Variants in CCT4 observed in about 807,000 individuals in gnomAD.
CCT4 encodes the protein chaperonin containing TCP1 subunit 4.
A neutral mutation model predicts 62.5 loss-of-function variants in CCT4; 17 were observed. That is an observed-to-expected ratio of 0.27 (90% CI 0.19 to 0.41). The LOEUF (loss-of-function observed/expected upper bound fraction) is 0.41, where lower values mean the gene tolerates loss of function less well. Among genes scored for constraint, CCT4 ranks in the 10% least tolerant of loss-of-function variants. The pLI is 1.00. For synonymous variants in CCT4, 250 were observed against 229.9 expected (o/e 1.09, Z -0.79); for missense variants, 592 against 659.2 (o/e 0.90, Z 1.12).
chr2:61,876,742 A>G (rs752945853), intron 7 of CCT4, among the ~76,000 whole-genome samples, 178 bp downstream of exon 7: 2 of 152,174 alleles, frequency 1.3e-5, no homozygotes, highest in South Asian at 4.1e-4. Flanking sequence ...CAATATCCCA[A>G]CTGAGGATAC....
chr2:61,883,701 G>A (rs1344902662), intron 2 of CCT4, among the ~76,000 whole-genome samples, 153 bp from the exon 3 acceptor site: 2 of 150,062 alleles, frequency 1.3e-5, no homozygotes, highest in Admixed American at 6.7e-5. Flanking sequence ...TTAAGAATAC[G>A]CAATAACAGT....
At position 61,888,466 on chromosome 2, in the gene CCT4, C is replaced by T; in HGVS notation, c.42G>A (p.Gly14=). 2 of 1,612,062 alleles carry T rather than the reference C, an allele frequency of 1.2e-6. No homozygotes were observed. Among genetic ancestry groups the T allele is most frequent in the Non-Finnish European group, 1.7e-6 (2 of 1,179,252 alleles). Residue 14 remains glycine (G), a synonymous_variant, in exon 1 of 14, where the codon GGG becomes GGA. Transcript: ENST00000394440. ...CGCCTTTCCCGCGGCCGCCGGCAGC[C>T]CCGGCAGTCGCCCCGCTCCGGGGTG... The part of the protein sequence containing the change: ...NVAPRSGATA[G]AAGGRGKGAY...
At chr2:61,875,168 T>C (rs1668971884) in intron 8 of CCT4, among the ~76,000 whole-genome samples, 1 of 152,028 alleles carries the variant, frequency 6.6e-6, no homozygotes. Flanking sequence ...TTACGCACTT[T>C]TTATCAAAAC....
At chr2:61,888,261 T>C (rs1572930696) in intron 1 of CCT4, 120 bp downstream of exon 1, 3 of 1,237,360 alleles carry the variant, frequency 2.4e-6, no homozygotes, top group South Asian at 1.5e-5. Context: ...GCTGCTTCTA[T>C]AGGGAGGACA....
intron 7 of CCT4, 90 bp from the exon 8 acceptor site, chr2:61,876,324 A>T (rs539901918): frequency 5.6e-5 from 51 of 917,678 alleles, no homozygotes; most frequent in East Asian, 3.8e-4. Flanking sequence ...GTGTTGTATA[A>T]ATTCAACCAA....
In CCT4 at chr2:61,883,552, G is replaced by C; in HGVS notation, c.181-4C>G. 1 of 1,516,732 alleles carries C rather than the reference G, an allele frequency of 6.6e-7. No individual in the cohort carries two copies. Among genetic ancestry groups the C allele is most frequent in the Non-Finnish European group, 9.0e-7 (1 of 1,112,744 alleles). 94.0% of individuals were successfully genotyped at this position (1,516,732 alleles called of 1,614,324 possible). A position where few individuals can be genotyped will look rare whatever the true frequency, so the allele number is the denominator to read the frequency against. On this transcript the variant is annotated splice_region_variant and splice_polypyrimidine_tract_variant and intron_variant, in intron 2 of 13. Transcript: ENST00000394440. ...CATCACCTTTTCCATCTTGAATCTA[G>C]AAAAAAAATTTTAAAGTTATATTTC...
intron 2 of CCT4, among the ~76,000 whole-genome samples, chr2:61,883,897 C>T (rs567920288): frequency 6.6e-6 from 1 of 152,196 alleles, no homozygotes; most frequent in South Asian, 2.1e-4. Context: ...ACCATGGATG[C>T]CCCTAAAGCA....
chr2:61,888,651 G>C lies in CCT4; in HGVS notation c.-144C>G. On this transcript the variant is annotated 5_prime_UTR_variant, in exon 1 of 14. Coordinates refer to ENST00000394440, the MANE Select transcript of CCT4 (RefSeq NM_006430.4). ...CCGGCGTCGGGAGGAGGCGGAGGCG[G>C]AGAAGGGGGCCTTCCTTGCCGCGCG... is the stretch of plus-strand genomic sequence containing the variant. The C allele has an allele frequency of 1.0e-6, 1 of 964,068 alleles. No individual in the cohort carries two copies. The highest frequency in any genetic ancestry group is 1.7e-5 in the South Asian group (1 of 57,280). 59.7% of individuals were successfully genotyped at this position (964,068 alleles called of 1,614,324 possible).
At chr2:61,885,129 A>ATTTTTT in intron 1 of CCT4, 57 bp from the exon 2 acceptor site, 1 of 1,328,278 alleles carries the variant, frequency 7.5e-7, no homozygotes, top group Non-Finnish European at 1.0e-6. Flanking sequence ...TTTTTAAGAG[A>ATTTTTT]CAGGGTCTTA....
rs778257396 is a variant in CCT4, at chr2:61,872,470, A to C, written c.1244T>G (p.Leu415Ter). The change falls in exon 11 of 14, where the codon TTA (leucine) becomes TGA (stop). Residue 415 changes from leucine to a stop codon, truncating the protein, a stop_gained. Transcript: ENST00000394440. LOFTEE classifies it high-confidence loss of function. ...IHDALCVIRC[L>*]VKKRALIAGG... Reference sequence around the variant, plus strand: ...ACACTGACATTACCTCTTCTTCACTAAACAACGAATAACACATAGGGCATC... The same window carrying C: ...ACACTGACATTACCTCTTCTTCACTCAACAACGAATAACACATAGGGCATC... 6.2e-7 allele frequency: 1 copy of C among 1,612,604 alleles called. No individual in the cohort carries two copies. Among genetic ancestry groups the C allele is most frequent in the Non-Finnish European group, 8.5e-7 (1 of 1,179,140 alleles).
At chr2:61,875,956 C>T (rs1233173459) in intron 8 of CCT4, 139 bp downstream of exon 8, 21 of 513,866 alleles carry the variant, frequency 4.1e-5, no homozygotes, top group Admixed American at 1.1e-4. Context: ...TTCTCCATTT[C>T]GTTTCACCTA....
chr2:61,880,201 C>A, intron 4 of CCT4, 85 bp downstream of exon 4: 2 of 619,030 alleles, frequency 3.2e-6, no homozygotes, highest in African/African-American at 1.9e-5. Flanking sequence ...TCTTCAATCC[C>A]ATATTACTTA....
At chr2:61,884,024 A>G (rs10186887) in intron 2 of CCT4, among the ~76,000 whole-genome samples, 1,972 of 152,262 alleles carry the variant, frequency 0.013, 37 homozygotes, top group African/African-American at 0.044. Context: ...GAATATCCAG[A>G]GCGGAGAATA....
intron 4 of CCT4, among the ~76,000 whole-genome samples, chr2:61,879,602 C>T (rs1392246976): frequency 6.6e-6 from 1 of 151,782 alleles, no homozygotes; most frequent in Non-Finnish European, 1.5e-5. Context: ...TATCACAAAT[C>T]TACATTATAA....
At chr2:61,881,065 A>T (rs1242470672) in intron 3 of CCT4, among the ~76,000 whole-genome samples, 1 of 151,956 alleles carries the variant, frequency 6.6e-6, no homozygotes, top group Non-Finnish European at 1.5e-5. Context: ...AGTTTATTTG[A>T]GTAGACCCCT....
Position 61,883,469 on chromosome 2 carries a change from G to T in CCT4, c.260C>A (p.Ala87Glu). The change falls in exon 3 of 14, where the codon GCA (alanine) becomes GAA (glutamate). Residue 87 changes from alanine to glutamate, a missense_variant. Coordinates refer to ENST00000394440, the MANE Select transcript of CCT4 (RefSeq NM_006430.4). ...ILKQMQVLHP[A>E]ARMLVELSKA... ...TAAAATTACACTTACCATTCTGGCT[G>T]CTGGATGTAATACTTGCATTTGTTT... is the stretch of plus-strand genomic sequence containing the variant. 1 of 1,527,290 alleles carries T rather than the reference G, an allele frequency of 6.5e-7. No homozygotes were observed. The highest frequency in any genetic ancestry group is 9.0e-7 in the Non-Finnish European group (1 of 1,113,962). The allele number at this position is 1,527,290 out of a possible 1,614,324, so 94.6% of individuals were successfully genotyped here. A position where few individuals can be genotyped will look rare whatever the true frequency, so the allele number is the denominator to read the frequency against.
intron 12 of CCT4, 21 bp downstream of exon 12, chr2:61,872,061 C>A: frequency 6.8e-7 from 1 of 1,468,076 alleles, no homozygotes; most frequent in Non-Finnish European, 9.5e-7. Flanking sequence ...ATATTTTCTA[C>A]ATTAGAGATT....
chr2:61,888,546 G>T lies in CCT4; in HGVS notation c.-39C>A. The T allele has an allele frequency of 6.3e-7, 1 of 1,594,056 alleles. No homozygotes were observed. Among genetic ancestry groups the T allele is most frequent in the Non-Finnish European group, 8.5e-7 (1 of 1,170,122 alleles). ...GTGTCTGGGTTGGCTCGGGAAGGACGGATGGACCCGGATTCTGGCCGGCCG... is the reference window on the plus strand; with the variant it reads ...GTGTCTGGGTTGGCTCGGGAAGGACTGATGGACCCGGATTCTGGCCGGCCG... On this transcript the variant is annotated 5_prime_UTR_variant, in exon 1 of 14. Coordinates refer to ENST00000394440, the MANE Select transcript of CCT4 (RefSeq NM_006430.4).
In CCT4 at chr2:61,872,956, C is replaced by T. The variant is rs576760568; in HGVS notation, c.1125+46G>A. ...AAAGAAAAAAAACAACCTAAAACCC[C>T]ATACCCAAACCTAAGCAAATAAAAA... On this transcript the variant is annotated intron_variant, in intron 10 of 13. Transcript: ENST00000394440. 19 of 1,108,452 alleles carry T rather than the reference C, an allele frequency of 1.7e-5. No homozygotes were observed. The African/African-American group carries it at 2.6e-4, about 15-fold the overall frequency. The allele number at this position is 1,108,452 out of a possible 1,614,324, so 68.7% of individuals were successfully genotyped here. A position where few individuals can be genotyped will look rare whatever the true frequency, so the allele number is the denominator to read the frequency against.
Sources: allele counts gnomAD v4.1 joint callset (sites outside exome capture counted in the v4.1 genomes callset), GRCh38; gene constraint gnomAD v4.1.1; transcripts MANE v1.5; gene names NCBI Gene and HGNC (gene_info 2026-07-23, HGNC 2026-07-21).